Variants in NCAN observed in about 807,000 individuals in gnomAD.
NCAN encodes neurocan.
In NCAN, 47 loss-of-function variants were observed where a neutral mutation model predicts 121.8. The observed-to-expected ratio is 0.39, with a 90% CI of 0.31 to 0.49. The LOEUF (loss-of-function observed/expected upper bound fraction) is 0.49, where lower values mean the gene tolerates loss of function less well. Ranked by LOEUF, NCAN falls within the 20% of genes least tolerant of loss-of-function variation. The pLI is 0.92. For missense variants in NCAN, 1,517 were observed against 1,773.4 expected, an observed-to-expected ratio of 0.86 and a Z score of 2.60; for synonymous variants, 633 against 702.0, an observed-to-expected ratio of 0.90 and a Z score of 1.55.
chr19:19,228,328 A>C lies in NCAN; in HGVS notation c.2708A>C (p.Asp903Ala). The C allele has an allele frequency of 6.2e-7, 1 of 1,613,888 alleles. No homozygotes were observed. The highest frequency in any genetic ancestry group is 2.2e-5 in the East Asian group (1 of 44,878). ...TCCCAACCCCACCCAGAGCCAGAGG[A>C]TCAGGTGGAGACCCAGGGAACATCA... is the stretch of plus-strand genomic sequence containing the variant. ...SSSQPHPEPE[D>A]QVETQGTSGA... The change falls in exon 8 of 15, where the codon GAT becomes GCT. Residue 903 changes from aspartate (D) to alanine (A), a missense_variant. Asp to Ala is a moderately radical substitution (Grantham distance 126). Coordinates refer to ENST00000252575, the MANE Select transcript of NCAN (RefSeq NM_004386.3).
At chr19:19,237,992 G>A (rs776679677) in intron 10 of NCAN, among the ~76,000 whole-genome samples, 1 of 152,030 alleles carries the variant, frequency 6.6e-6, no homozygotes, top group Admixed American at 6.5e-5. Flanking sequence ...GCAGTGAGCC[G>A]AGATTGTGCC....
At position 19,225,237 on chromosome 19, in the gene NCAN, C is replaced by G; in HGVS notation, c.1039C>G (p.Pro347Ala). ...RFANRTGFPS[P>A]AERFDAYCFR... Reference sequence around the variant, plus strand: ...CGCTAACCGGACCGGCTTCCCCTCACCCGCCGAGCGCTTCGACGCCTACTG... The same window carrying G: ...CGCTAACCGGACCGGCTTCCCCTCAGCCGCCGAGCGCTTCGACGCCTACTG... The change falls in exon 6 of 15, where the codon CCC becomes GCC. Residue 347 changes from proline to alanine, a missense_variant. Coordinates refer to ENST00000252575, the MANE Select transcript of NCAN (RefSeq NM_004386.3). This position sits in a 1 kb window ranked among gnomAD's most constrained non-coding sequence, Gnocchi z 4.0. 1 of 1,564,570 alleles carries G rather than the reference C, an allele frequency of 6.4e-7. No homozygotes were observed. The highest frequency in any genetic ancestry group is 1.8e-5 in the Admixed American group (1 of 55,702).
chr19:19,233,824 C>T lies in NCAN; in HGVS notation c.3055C>T (p.His1019Tyr), dbSNP rs762951283. 2 of 1,613,898 alleles carry T rather than the reference C, an allele frequency of 1.2e-6. No individual in the cohort carries two copies. Among genetic ancestry groups the T allele is most frequent in the South Asian group, 2.2e-5 (2 of 91,080 alleles). ...TCCCTGTGAGAACAACCCTTGTCTTCATGGAGGGACATGTAATGCCAATGG... is the reference window on the plus strand; with the variant it reads ...TCCCTGTGAGAACAACCCTTGTCTTTATGGAGGGACATGTAATGCCAATGG... ...SDPCENNPCL[H>Y]GGTCNANGTM... Residue 1019 changes from histidine (H) to tyrosine (Y), a missense_variant, in exon 9 of 15, where the codon CAT (histidine) becomes TAT (tyrosine). Physicochemically the swap from His to Tyr is moderately conservative, Grantham distance 83. Coordinates refer to ENST00000252575, the MANE Select transcript of NCAN (RefSeq NM_004386.3).
In NCAN at chr19:19,240,583, C is replaced by A. The variant is rs567208818; in HGVS notation, c.3410-20C>A. The A allele has an allele frequency of 6.2e-7, 1 of 1,613,850 alleles. No homozygotes were observed. Among genetic ancestry groups the A allele is most frequent in the African/African-American group, 1.3e-5 (1 of 75,060 alleles). ...AGAGGCATGGGTGAACACCCAGACC[C>A]ACAACCCCCGACCCTGCAGGCTTTG... is the stretch of plus-strand genomic sequence containing the variant. On this transcript the variant is annotated intron_variant, in intron 11 of 14. Transcript: ENST00000252575.
At chr19:19,244,728 C>CTTT (rs201995446) in intron 12 of NCAN, among the ~76,000 whole-genome samples, 2 of 136,490 alleles carry the variant, frequency 1.5e-5, no homozygotes. Flanking sequence ...TTTTCTTTTC[C>CTTT]TTTTTTTTTT....
intron 3 of NCAN, among the ~76,000 whole-genome samples, chr19:19,219,807 T>G (rs544749340): frequency 1.4e-5 from 2 of 147,380 alleles, no homozygotes; most frequent in Admixed American, 6.8e-5. Context: ...TGTGGATCAG[T>G]TGAGGTCAGG....
At chr19:19,221,173 C>T (rs10424029) in intron 3 of NCAN, among the ~76,000 whole-genome samples, 2,393 of 150,966 alleles carry the variant, frequency 0.016, 66 homozygotes, top group African/African-American at 0.056. Context: ...CCCAAGAGAT[C>T]GAGGCTGCAG....
chr19:19,216,018 TA>T (rs1445368485), intron 1 of NCAN, among the ~76,000 whole-genome samples: 1 of 152,116 alleles, frequency 6.6e-6, no homozygotes, highest in African/African-American at 2.4e-5. Flanking sequence ...ACAAAGAAAG[TA>T]AGGCACAGAG....
At chr19:19,239,552 C>T in intron 11 of NCAN, among the ~76,000 whole-genome samples, 1 of 132,998 alleles carries the variant, frequency 7.5e-6, no homozygotes, top group Non-Finnish European at 1.6e-5. Context: ...TCTTCCACCT[C>T]CTTTCTCCTC....
chr19:19,215,041 C>T lies in NCAN; in HGVS notation c.-7-1906C>T, dbSNP rs916780105. 2.0e-5 allele frequency among the ~76,000 whole-genome samples: 3 copies of T among 152,160 alleles called. No individual in the cohort carries two copies. In the East Asian group the frequency reaches 5.8e-4, roughly 29 times the overall value. On this transcript the variant is annotated intron_variant, in intron 1 of 14. Coordinates refer to ENST00000252575, the MANE Select transcript of NCAN (RefSeq NM_004386.3). ...GTGCAGCCTGAGGCAAACCTCTAGC[C>T]CTCTCTGGTCCCTGAGGCATCGTGT...
At chr19:19,242,221 T>C (rs1376366154) in intron 12 of NCAN, among the ~76,000 whole-genome samples, 2 of 150,522 alleles carry the variant, frequency 1.3e-5, no homozygotes, top group African/African-American at 2.4e-5. Flanking sequence ...AACAAAAAAT[T>C]GTACTAAGAA....
intron 6 of NCAN, 132 bp from the exon 7 acceptor site, chr19:19,226,354 A>G: frequency 1.4e-6 from 1 of 720,528 alleles, no homozygotes; most frequent in Non-Finnish European, 2.2e-6. Context: ...GGGGAATCTC[A>G]GAAACTACTT....
In NCAN at chr19:19,243,628, G is replaced by A. The variant is rs896481344; in HGVS notation, c.3493-1685G>A. On this transcript the variant is annotated intron_variant, in intron 12 of 14. Transcript: ENST00000252575. ...ACTGCACACCGCCTCTTGAACCCGG[G>A]AGGCGGAGGTTGCAGCGAGCCAAGG... Among the ~76,000 whole-genome samples the A allele has an allele frequency of 5.3e-5, 8 of 152,208 alleles. No individual in the cohort carries two copies. The South Asian group carries it at 1.2e-3, about 24-fold the overall frequency.
At position 19,244,120 on chromosome 19, in the gene NCAN, C is replaced by T. The variant is rs561317275; in HGVS notation, c.3493-1193C>T. Among the ~76,000 whole-genome samples, 10 of 152,168 alleles carry T rather than the reference C, an allele frequency of 6.6e-5. No individual in the cohort carries two copies. The East Asian group carries it at 1.9e-3, about 29-fold the overall frequency. On this transcript the variant is annotated intron_variant, in intron 12 of 14. Coordinates refer to ENST00000252575, the MANE Select transcript of NCAN (RefSeq NM_004386.3). ...TTTTGCCACAATTTTTAAAAATTCA[C>T]TTCCTTTTCTCTGATGCAAGATCTG... is the stretch of plus-strand genomic sequence containing the variant.
At chr19:19,235,125 G>A in intron 10 of NCAN, 29 bp downstream of exon 10, 1 of 1,511,384 alleles carries the variant, frequency 6.6e-7, no homozygotes, top group Non-Finnish European at 9.2e-7. Context: ...ACCAGAAACA[G>A]TACCAAGAGT....
At position 19,238,009 on chromosome 19, in the gene NCAN, C is replaced by T. The variant is rs763735580; in HGVS notation, c.3251-244C>T. Among the ~76,000 whole-genome samples the T allele has an allele frequency of 7.2e-5, 11 of 151,990 alleles. No homozygotes were observed. The East Asian group carries it at 1.7e-3, about 24-fold the overall frequency. On this transcript the variant is annotated intron_variant, in intron 10 of 14. Transcript: ENST00000252575. ...AGTGAGCCGAGATTGTGCCATTGCA[C>T]GCCAGCCTGGGCGACGGAGTGAGAC...
Position 19,245,408 on chromosome 19 carries a change from C to A in NCAN, c.3588C>A (p.Asn1196Lys). 1 of 1,614,200 alleles carries A rather than the reference C, an allele frequency of 6.2e-7. No individual in the cohort carries two copies. Among genetic ancestry groups the A allele is most frequent in the South Asian group, 1.1e-5 (1 of 91,076 alleles). The stretch of plus-strand genomic sequence containing the variant: ...TGGCGCATGAAAGCGGGCGCTGGAA[C>A]GATGTCCCCTGCAACTACAACCTAC... ...VMVAHESGRW[N>K]DVPCNYNLPY... The change falls in exon 13 of 15, where the codon AAC becomes AAA. Residue 1196 changes from asparagine (N) to lysine (K), a missense_variant. Asn to Lys is a moderately conservative substitution (Grantham distance 94). Coordinates refer to ENST00000252575, the MANE Select transcript of NCAN (RefSeq NM_004386.3).
intron 14 of NCAN, 121 bp downstream of exon 14, chr19:19,249,003 A>C: frequency 9.5e-7 from 1 of 1,048,110 alleles, no homozygotes. Context: ...ACAGCCTTGC[A>C]GATAAGTGAG....
At chr19:19,218,427 C>T (rs578219979) in intron 2 of NCAN, among the ~76,000 whole-genome samples, 15 of 152,034 alleles carry the variant, frequency 9.9e-5, no homozygotes, top group African/African-American at 3.4e-4. Flanking sequence ...CATGTCACTG[C>T]ATTCTACCCT....
Sources: allele counts gnomAD v4.1 joint callset (sites outside exome capture counted in the v4.1 genomes callset), GRCh38; gene constraint gnomAD v4.1.1; non-coding constraint Gnocchi (gnomAD v3.1); transcripts MANE v1.5; gene names NCBI Gene and HGNC (gene_info 2026-07-23, HGNC 2026-07-21).